SDK2: variants seen among roughly 807,000 people sequenced by gnomAD.
SDK2 encodes protein sidekick-2.
A neutral mutation model predicts 253.9 loss-of-function variants in SDK2; 105 were observed. The observed-to-expected ratio is 0.41, with a 90% CI of 0.35 to 0.49. The LOEUF is 0.49. Among genes scored for constraint, SDK2 ranks in the 20% least tolerant of loss-of-function variants. The pLI, the probability that SDK2 is intolerant of heterozygous loss-of-function variation, is 0.06. For missense variants in SDK2, 2,608 were observed against 3,003.0 expected (o/e 0.87, Z 3.07); for synonymous variants, 1,249 against 1,234.9 (o/e 1.01, Z -0.24).
chr17:73,447,693 C>T lies in SDK2; in HGVS notation c.535G>A (p.Gly179Ser). Residue 179 changes from glycine to serine, a missense_variant, in exon 5 of 45, where the codon GGT (glycine) becomes AGT (serine). By Grantham distance (56) the Gly-to-Ser change is moderately conservative. This residue lies in a region of SDK2 where 1,505 missense variants were observed against 1,859.1 expected (regional missense o/e 0.81). Coordinates refer to ENST00000392650, the MANE Select transcript of SDK2 (RefSeq NM_001144952.2). This position sits in a 1 kb window ranked among gnomAD's most constrained non-coding sequence, Gnocchi z 4.0. ...TTAACAGCCTGCACATAGTAGCGAC[C>T]TGCGTCAGGGGCCACCGTTGACAGG... is the stretch of plus-strand genomic sequence containing the variant. ...VILSTVAPDA[G>S]RYYVQAVNDK... is the part of the protein sequence containing the mutation. 6.4e-7 allele frequency: 1 copy of T among 1,551,792 alleles called. No individual in the cohort carries two copies. Among genetic ancestry groups the T allele is most frequent in the South Asian group, 1.2e-5 (1 of 84,062 alleles).
In SDK2 at chr17:73,422,422, G is replaced by C. The variant is rs766752337; in HGVS notation, c.1910C>G (p.Thr637Ser). Residue 637 changes from threonine (T) to serine (S), a missense_variant, in exon 15 of 45, where the codon ACT becomes AGT. Around this residue, in one of 2 missense-constraint regions of SDK2, gnomAD observed 1,505 missense variants for 1,859.1 expected, o/e 0.81. Transcript: ENST00000392650. The stretch of plus-strand genomic sequence containing the variant: ...GGGGTCCACACTGGCCAGGAGTACA[G>C]TCCAGGGGGCATCTGCAGGGACAGT... ...LEMSENNAPW[T>S]VLLASVDPKA... is the part of the protein sequence containing the mutation. 33 of 1,613,826 alleles carry C rather than the reference G, an allele frequency of 2.0e-5. No individual in the cohort carries two copies. Among genetic ancestry groups the C allele is most frequent in the Middle Eastern group, 3.3e-4 (2 of 6,084 alleles).
intron 1 of SDK2, among the ~76,000 whole-genome samples, chr17:73,514,887 G>A (rs999798818): frequency 3.9e-5 from 6 of 152,144 alleles, no homozygotes; most frequent in African/African-American, 1.2e-4. Flanking sequence ...GGTGCCAGGG[G>A]TGGAAACCTG....
At chr17:73,419,435 C>T in intron 15 of SDK2, 129 bp from the exon 16 acceptor site, 1 of 983,346 alleles carries the variant, frequency 1.0e-6, no homozygotes, top group Non-Finnish European at 1.5e-6. Flanking sequence ...TGCATCTGGG[C>T]AAGTTACCTG....
At chr17:73,595,177 T>C (rs2045738193) in intron 1 of SDK2, among the ~76,000 whole-genome samples, 1 of 151,116 alleles carries the variant, frequency 6.6e-6, no homozygotes, top group African/African-American at 2.4e-5. Context: ...GGGGTGTCAG[T>C]GAGAATTCGA....
intron 1 of SDK2, among the ~76,000 whole-genome samples, chr17:73,567,479 C>T (rs549324838): frequency 5.9e-5 from 9 of 152,380 alleles, no homozygotes; most frequent in Non-Finnish European, 1.0e-4. Flanking sequence ...GGGTCCTCAC[C>T]GGGACACTGC....
In SDK2 at chr17:73,455,854, TCCTCCCCCAGACACCCCTCC is replaced by T; in HGVS notation, c.479+32_479+51del. On this transcript the variant is annotated intron_variant, in intron 4 of 44. Coordinates refer to ENST00000392650, the MANE Select transcript of SDK2 (RefSeq NM_001144952.2). The surrounding 1 kb of genome is among the most constrained non-coding windows in gnomAD (Gnocchi z 5.0). Reference sequence around the variant, plus strand: ...GGGAGACTTTATCTGGCCCCAAACCTCCTCCCCCAGACACCCCTCCCCTCCCCGTCCCCTCAGAGCGATGC... The same window carrying T: ...GGGAGACTTTATCTGGCCCCAAACCTCCTCCCCGTCCCCTCAGAGCGATGC... The T allele has an allele frequency of 1.3e-6, 2 of 1,493,812 alleles. No individual in the cohort carries two copies. Among genetic ancestry groups the T allele is most frequent in the Non-Finnish European group, 8.9e-7 (1 of 1,121,182 alleles). The allele number at this position is 1,493,812 out of a possible 1,614,324, so 92.5% of individuals were successfully genotyped here.
chr17:73,413,465 C>T (rs1457346723), intron 18 of SDK2, among the ~76,000 whole-genome samples: 1 of 152,094 alleles, frequency 6.6e-6, no homozygotes, highest in East Asian at 1.9e-4. Context: ...ACCATCCCTC[C>T]TCCCACCCCA....
intron 2 of SDK2, among the ~76,000 whole-genome samples, chr17:73,505,625 T>C (rs563340327): frequency 7.2e-6 from 1 of 138,924 alleles, no homozygotes; most frequent in Admixed American, 7.2e-5. Context: ...TCATCATCAA[T>C]AGCTGGACCT....
chr17:73,542,518 G>C (rs947466997), intron 1 of SDK2, among the ~76,000 whole-genome samples: 1 of 152,192 alleles, frequency 6.6e-6, no homozygotes, highest in African/African-American at 2.4e-5. Flanking sequence ...GGCTCTCAAT[G>C]AGCAGCCGGG....
chr17:73,444,916 G>C (rs550091444), intron 5 of SDK2, among the ~76,000 whole-genome samples: 1 of 152,190 alleles, frequency 6.6e-6, no homozygotes, highest in Non-Finnish European at 1.5e-5. Flanking sequence ...TGAGCCACAC[G>C]TGCCTATGAG....
rs1048548443 is a variant in SDK2 at position 73,629,029 on chromosome 17, G to A, written c.64+14996C>T. Among the ~76,000 whole-genome samples, 1 of 152,178 alleles carries A rather than the reference G, an allele frequency of 6.6e-6. No homozygotes were observed. Among genetic ancestry groups the A allele is most frequent in the African/African-American group, 2.4e-5 (1 of 41,434 alleles). ...CTACGTGGGGGATGGTGCCAAGGAG[G>A]GTCCAGAGAACTCAGTCCTGCCAGA... On this transcript the variant is annotated intron_variant, in intron 1 of 44. Coordinates refer to ENST00000392650, the MANE Select transcript of SDK2 (RefSeq NM_001144952.2). This position sits in a 1 kb window ranked among gnomAD's most constrained non-coding sequence, Gnocchi z 5.0.
rs200242323 is a variant in SDK2 at position 73,387,958 on chromosome 17, T to C, written c.4272A>G (p.Pro1424=). Reference sequence around the variant, plus strand: ...GCACAGGGGAGAGCCCGTCGCTCCCTGGCTCCCAGGACAGCAGCACGCTGC... The same window carrying C: ...GCACAGGGGAGAGCCCGTCGCTCCCCGGCTCCCAGGACAGCAGCACGCTGC... The part of the protein sequence containing the change: ...RARSVLLSWE[P]GSDGLSPVRY... The change falls in exon 30 of 45, where the codon CCA becomes CCG. Residue 1424 remains proline (P), a synonymous_variant. Transcript: ENST00000392650. The C allele has an allele frequency of 2.7e-4, 421 of 1,575,212 alleles. 1 individual carries two copies. In the East Asian group the frequency reaches 9.3e-3, roughly 35 times the overall value.
chr17:73,436,973 G>C (rs568382901), intron 8 of SDK2, among the ~76,000 whole-genome samples: 7 of 152,120 alleles, frequency 4.6e-5, no homozygotes, highest in Non-Finnish European at 7.3e-5. Flanking sequence ...GGATCTGGCT[G>C]TTTGGTTTAT....
chr17:73,511,760 T>C lies in SDK2; in HGVS notation c.65-4163A>G, dbSNP rs2063982700. On this transcript the variant is annotated intron_variant, in intron 1 of 44. Coordinates refer to ENST00000392650, the MANE Select transcript of SDK2 (RefSeq NM_001144952.2). This position sits in a 1 kb window ranked among gnomAD's most constrained non-coding sequence, Gnocchi z 4.9. ...GACTCTGAGCAGTGACAGCTGATTT[T>C]CCTCCAGGACCTGCCTCGTCTGAAA... Among the ~76,000 whole-genome samples the C allele has an allele frequency of 6.6e-6, 1 of 152,180 alleles. No homozygotes were observed.
At chr17:73,468,931 T>G (rs1234877414) in intron 3 of SDK2, among the ~76,000 whole-genome samples, 1 of 152,110 alleles carries the variant, frequency 6.6e-6, no homozygotes, top group Non-Finnish European at 1.5e-5. Context: ...TTCATGCGAT[T>G]CTCCCACTTC....
intron 1 of SDK2, among the ~76,000 whole-genome samples, chr17:73,584,688 A>G (rs1455174041): frequency 6.9e-5 from 7 of 100,882 alleles, no homozygotes; most frequent in Non-Finnish European, 1.5e-4. Flanking sequence ...GAGCTTGGGC[A>G]GAGGGTGATA....
At position 73,643,949 on chromosome 17, in the gene SDK2, C is replaced by A; in HGVS notation, c.64+76G>T. On this transcript the variant is annotated intron_variant, in intron 1 of 44. Transcript: ENST00000392650. This position sits in a 1 kb window ranked among gnomAD's most constrained non-coding sequence, Gnocchi z 6.9. ...GGTGTCCAGGAGGTCACCGTGAGGC[C>A]GGCCAGCTCCCGCCGCCCCTCCCCC... The A allele has an allele frequency of 8.8e-7, 1 of 1,132,670 alleles. No individual in the cohort carries two copies. The highest frequency in any genetic ancestry group is 1.3e-6 in the Non-Finnish European group (1 of 775,118). The allele number at this position is 1,132,670 out of a possible 1,614,324, so 70.2% of individuals were successfully genotyped here.
Position 73,639,496 on chromosome 17 carries a change from G to T in SDK2, c.64+4529C>A, listed in dbSNP as rs2046371380. Among the ~76,000 whole-genome samples, 1 of 152,226 alleles carries T rather than the reference G, an allele frequency of 6.6e-6. No individual in the cohort carries two copies. Among genetic ancestry groups the T allele is most frequent in the South Asian group, 2.1e-4 (1 of 4,836 alleles). On this transcript the variant is annotated intron_variant, in intron 1 of 44. Transcript: ENST00000392650. The surrounding 1 kb of genome is among the most constrained non-coding windows in gnomAD (Gnocchi z 4.3). ...CTTGTTTTCCTTTCCATTACAGGCAGTGGGCTGCAGCCGCCAGTTGCTGCT... is the reference window on the plus strand; with the variant it reads ...CTTGTTTTCCTTTCCATTACAGGCATTGGGCTGCAGCCGCCAGTTGCTGCT...
rs753957711 is a variant in SDK2, at chr17:73,352,602, G to A, written c.5629C>T (p.Pro1877Ser). ...GLWDILIKDI[P>S]KEVSSYTFSM... Reference sequence around the variant, plus strand: ...AACGTGTAGGAGCTCACCTCCTTGGGGATGTCTTTGATGAGGATGTCCCAT... The same window carrying A: ...AACGTGTAGGAGCTCACCTCCTTGGAGATGTCTTTGATGAGGATGTCCCAT... Residue 1877 changes from proline to serine, a missense_variant, in exon 41 of 45, where the codon CCC (proline) becomes TCC (serine). Coordinates refer to ENST00000392650, the MANE Select transcript of SDK2 (RefSeq NM_001144952.2). This position sits in a 1 kb window ranked among gnomAD's most constrained non-coding sequence, Gnocchi z 4.1. 1.2e-6 allele frequency: 2 copies of A among 1,614,004 alleles called. No individual in the cohort carries two copies. The highest frequency in any genetic ancestry group is 1.7e-6 in the Non-Finnish European group (2 of 1,179,880).
Sources: gnomAD v4.1 joint callset for allele counts (sites outside exome capture counted in the v4.1 genomes callset) on GRCh38, gnomAD v4.1.1 for gene constraint, gnomAD v4.1.1 regional missense constraint, Gnocchi (gnomAD v3.1) non-coding constraint, MANE v1.5 for transcripts, NCBI Gene and HGNC (gene_info 2026-07-23, HGNC 2026-07-21) for gene names.